WWP2: variants seen among roughly 807,000 people sequenced by gnomAD.
The protein encoded by WWP2 is NEDD4-like E3 ubiquitin-protein ligase WWP2.
A neutral mutation model predicts 121.0 loss-of-function variants in WWP2; 57 were observed. That is an observed-to-expected ratio of 0.47 (90% CI 0.38 to 0.59). The LOEUF (loss-of-function observed/expected upper bound fraction) is 0.59. Among genes scored for constraint, WWP2 ranks in the 20% least tolerant of loss-of-function variants. The pLI is 0.00. For synonymous variants in WWP2, 449 were observed against 441.3 expected, an observed-to-expected ratio of 1.02 and a Z score of -0.22; for missense variants, 962 against 1,158.9, an observed-to-expected ratio of 0.83 and a Z score of 2.47.
intron 4 of WWP2, among the ~76,000 whole-genome samples, chr16:69,814,393 A>G (rs1380796512): frequency 2.0e-5 from 3 of 152,108 alleles, no homozygotes; most frequent in African/African-American, 4.8e-5. Flanking sequence ...ACTCAGCTCC[A>G]CAGGGCTCTT....
At chr16:69,831,194 G>A (rs2056787182) in intron 4 of WWP2, among the ~76,000 whole-genome samples, 1 of 152,012 alleles carries the variant, frequency 6.6e-6, no homozygotes, top group Non-Finnish European at 1.5e-5. Context: ...TTTCTTTCTT[G>A]TTTCATGTTT....
intron 8 of WWP2, 107 bp downstream of exon 8, chr16:69,888,356 CTGGG>C: frequency 1.2e-5 from 14 of 1,192,268 alleles, no homozygotes; most frequent in Non-Finnish European, 1.6e-5. Context: ...CTAGTAGCCT[CTGGG>C]GAGGCTGCTG....
At chr16:69,938,268 C>G (rs540609435) in intron 21 of WWP2, among the ~76,000 whole-genome samples, 1 of 152,036 alleles carries the variant, frequency 6.6e-6, no homozygotes, top group Non-Finnish European at 1.5e-5. Flanking sequence ...TCCATCTCAC[C>G]CTCCCAAAGT....
chr16:69,919,406 A>G (rs1217628124), intron 10 of WWP2, among the ~76,000 whole-genome samples: 2 of 152,184 alleles, frequency 1.3e-5, no homozygotes, highest in Non-Finnish European at 2.9e-5. Flanking sequence ...ACCTCAGGTA[A>G]TCCGCCCACC....
intron 19 of WWP2, chr16:69,936,752 A>C: frequency 2.0e-6 from 1 of 502,286 alleles, no homozygotes; most frequent in South Asian, 2.2e-5. Flanking sequence ...CTCCGGGCCG[A>C]AAGGATCTCT....
chr16:69,937,650 C>T lies in WWP2; in HGVS notation c.2341C>T (p.Gln781Ter). ...CAGCAAGCAGATCCAGTGGTTCTGG[C>T]AGGTGGGTCCCGGGCCCAGGCCTTG... Reference protein sequence around the residue: ...KNSKQIQWFWQVVKEMDNEKR... With the variant: ...KNSKQIQWFW Residue 781 changes from glutamine (Q) to a stop codon, truncating the protein, a stop_gained and splice_region_variant, in exon 21 of 24, where the codon CAG becomes TAG. Transcript: ENST00000359154. LOFTEE classifies it high-confidence loss of function. This position sits in a 1 kb window ranked among gnomAD's most constrained non-coding sequence, Gnocchi z 6.6. 1 of 1,613,892 alleles carries T rather than the reference C, an allele frequency of 6.2e-7. No homozygotes were observed. The highest frequency in any genetic ancestry group is 2.2e-5 in the East Asian group (1 of 44,862).
chr16:69,799,082 C>T lies in WWP2; in HGVS notation c.219-92C>T, dbSNP rs150785002. 654 of 1,532,204 alleles carry T rather than the reference C, an allele frequency of 4.3e-4. 7 individuals carry two copies. In the African/African-American group the frequency reaches 8.1e-3, roughly 19 times the overall value. The allele number at this position is 1,532,204 out of a possible 1,614,324, so 94.9% of individuals were successfully genotyped here. Reference sequence around the variant, plus strand: ...GTGTCTGCCTGTTTTGGTTCCCCCTCCCCAAGATGTCAGCAGTTTAGTTTA... The same window carrying T: ...GTGTCTGCCTGTTTTGGTTCCCCCTTCCCAAGATGTCAGCAGTTTAGTTTA... On this transcript the variant is annotated intron_variant, in intron 3 of 23. Coordinates refer to ENST00000359154, the MANE Select transcript of WWP2 (RefSeq NM_001270454.2). The surrounding 1 kb of genome is among the most constrained non-coding windows in gnomAD (Gnocchi z 4.5).
Position 69,939,274 on chromosome 16 carries a change from G to A in WWP2, c.2441-67G>A, listed in dbSNP as rs2152002562. On this transcript the variant is annotated intron_variant, in intron 22 of 23. Coordinates refer to ENST00000359154, the MANE Select transcript of WWP2 (RefSeq NM_001270454.2). ...GGGGCCGAGCCCATCTGTGGGTGGA[G>A]CCGGAGGATCCTGCTTTGGGAAGGG... 3.7e-6 allele frequency: 6 copies of A among 1,600,736 alleles called. No homozygotes were observed. The South Asian group carries it at 5.5e-5, about 15-fold the overall frequency.
chr16:69,834,565 T>G (rs1167809154), intron 4 of WWP2, among the ~76,000 whole-genome samples: 1 of 151,434 alleles, frequency 6.6e-6, no homozygotes, highest in African/African-American at 2.4e-5. Context: ...TTCGCTCTTG[T>G]TGCCCAGGCT....
chr16:69,784,965 G>A (rs1306774651), intron 1 of WWP2, among the ~76,000 whole-genome samples: 1 of 151,734 alleles, frequency 6.6e-6, no homozygotes, highest in Middle Eastern at 3.2e-3. Context: ...GTCGAGTGCA[G>A]TGGTTCACAC....
chr16:69,796,017 T>C (rs72783183), intron 2 of WWP2, among the ~76,000 whole-genome samples: 8,672 of 151,264 alleles, frequency 0.057, 299 homozygotes, highest in Middle Eastern at 0.11. Flanking sequence ...TTTTTTTTTC[T>C]TTCTTTTTTT....
At chr16:69,899,709 A>G (rs902200631) in intron 8 of WWP2, among the ~76,000 whole-genome samples, 12 of 129,532 alleles carry the variant, frequency 9.3e-5, no homozygotes, top group Non-Finnish European at 1.7e-4. Context: ...CCTGGGTGAC[A>G]GAGTGAGACT....
intron 10 of WWP2, among the ~76,000 whole-genome samples, chr16:69,921,362 C>T (rs143330410): frequency 9.9e-5 from 15 of 152,204 alleles, no homozygotes; most frequent in African/African-American, 3.4e-4. Flanking sequence ...GACTAGCTAG[C>T]GGCCTCCCCT....
At chr16:69,864,385 C>G in intron 6 of WWP2, among the ~76,000 whole-genome samples, 1 of 151,566 alleles carries the variant, frequency 6.6e-6, no homozygotes, top group East Asian at 2.0e-4. Context: ...TTAAAAATAC[C>G]TAGGAGTAGG....
chr16:69,842,479 C>T (rs1438316258), intron 6 of WWP2, among the ~76,000 whole-genome samples: 1 of 152,102 alleles, frequency 6.6e-6, no homozygotes, highest in Non-Finnish European at 1.5e-5. Context: ...TCTTGCTCCT[C>T]TCCCTCCTTG....
Position 69,762,371 on chromosome 16 carries a change from C to G in WWP2, c.-36C>G, listed in dbSNP as rs1441942807. ...GCGGAAGTAGGAGAGGAGTTCGGCG[C>G]CGCTTCTGTGGCCACGGCAGGTAGC... On this transcript the variant is annotated 5_prime_UTR_variant, in exon 1 of 24. Coordinates refer to ENST00000359154, the MANE Select transcript of WWP2 (RefSeq NM_001270454.2). 1 of 151,406 alleles carries G rather than the reference C, an allele frequency of 6.6e-6. No homozygotes were observed. Among genetic ancestry groups the G allele is most frequent in the Non-Finnish European group, 1.5e-5 (1 of 67,660 alleles). The allele number at this position is 151,406 out of a possible 1,614,324, so 9.4% of individuals were successfully genotyped here.
intron 1 of WWP2, among the ~76,000 whole-genome samples, chr16:69,773,208 TCA>T (rs1423943868): frequency 1.3e-5 from 2 of 151,842 alleles, no homozygotes; most frequent in Non-Finnish European, 2.9e-5. Flanking sequence ...GAGATGACTC[TCA>T]TGCTGTCGCT....
intron 8 of WWP2, among the ~76,000 whole-genome samples, chr16:69,897,480 A>G (rs1454584637): frequency 6.6e-6 from 1 of 152,162 alleles, no homozygotes; most frequent in African/African-American, 2.4e-5. Context: ...TGAAGCTTCC[A>G]TGAACTCTCT....
chr16:69,901,563 C>T (rs568873857), intron 8 of WWP2, among the ~76,000 whole-genome samples: 2 of 152,154 alleles, frequency 1.3e-5, no homozygotes, highest in African/African-American at 4.8e-5. Flanking sequence ...CAGGCATGTA[C>T]CACCACGCCC....
Sources: allele counts gnomAD v4.1 joint callset (sites outside exome capture counted in the v4.1 genomes callset), GRCh38; gene constraint gnomAD v4.1.1; non-coding constraint Gnocchi (gnomAD v3.1); transcripts MANE v1.5; gene names NCBI Gene and HGNC (gene_info 2026-07-23, HGNC 2026-07-21).